Variants in HS2ST1 observed in about 807,000 individuals in gnomAD.
HS2ST1 encodes heparan sulfate 2-O-sulfotransferase 1.
Under a neutral mutation model 42.9 loss-of-function variants are expected in HS2ST1, and 18 were observed. The ratio of observed to expected loss-of-function variants is 0.42; its 90% CI spans 0.29 to 0.62. The LOEUF is 0.62. Among genes scored for constraint, HS2ST1 ranks in the 20% least tolerant of loss-of-function variants. The probability of loss-of-function intolerance (pLI) is 0.21; values close to 1 mark genes in which losing one functional copy is unlikely to be tolerated. For missense variants in HS2ST1, 334 were observed against 433.8 expected (o/e 0.77, Z 2.04); for synonymous variants, 146 against 152.9 (o/e 0.95, Z 0.33).
chr1:86,964,490 C>T (rs889841824), intron 1 of HS2ST1, among the ~76,000 whole-genome samples: 2 of 152,214 alleles, frequency 1.3e-5, no homozygotes, highest in Non-Finnish European at 2.9e-5. Context: ...ATACGAAAAC[C>T]AGTCAGGCGT....
At chr1:87,076,251 T>C (rs983879086) in intron 2 of HS2ST1, among the ~76,000 whole-genome samples, 1 of 152,212 alleles carries the variant, frequency 6.6e-6, no homozygotes, top group East Asian at 1.9e-4. Flanking sequence ...AAACCAAATG[T>C]AATGTATGGT....
Position 87,045,925 on chromosome 1 carries a change from C to T in HS2ST1, c.125-27009C>T. The T allele has an allele frequency of 4.3e-6, 3 of 701,916 alleles. No homozygotes were observed. The East Asian group carries it at 9.7e-5, about 23-fold the overall frequency. The allele number at this position is 701,916 out of a possible 1,614,324, so 43.5% of individuals were successfully genotyped here. A position where few individuals can be genotyped will look rare whatever the true frequency, so the allele number is the denominator to read the frequency against. On this transcript the variant is annotated intron_variant, in intron 1 of 6. Transcript: ENST00000370550. ...GCTCACCGGCTTCTCCCACGTCGAC[C>T]TGATTGATCTGGTTACTATTGATGT...
At chr1:87,048,177 G>A (rs894248833) in intron 1 of HS2ST1, among the ~76,000 whole-genome samples, 2 of 151,910 alleles carry the variant, frequency 1.3e-5, no homozygotes, top group Admixed American at 1.3e-4. Context: ...TATTTTACAT[G>A]GTATTTTTTA....
intron 1 of HS2ST1, among the ~76,000 whole-genome samples, chr1:86,950,037 A>T (rs181026512): frequency 8.5e-5 from 13 of 152,328 alleles, no homozygotes; most frequent in Non-Finnish European, 1.6e-4. Context: ...GCACTATAGA[A>T]ACATTTGATT....
At chr1:87,033,154 A>G (rs980638498) in intron 1 of HS2ST1, among the ~76,000 whole-genome samples, 5 of 152,208 alleles carry the variant, frequency 3.3e-5, no homozygotes, top group Non-Finnish European at 7.4e-5. Context: ...TAGAATAGTA[A>G]AATATATCCC....
chr1:87,007,974 A>G (rs923108281), intron 1 of HS2ST1, among the ~76,000 whole-genome samples: 1 of 152,128 alleles, frequency 6.6e-6, no homozygotes, highest in Non-Finnish European at 1.5e-5. Flanking sequence ...TTTTTTAAAA[A>G]ATTTTATTTG....
At chr1:86,918,371 A>G (rs1660213471) in intron 1 of HS2ST1, among the ~76,000 whole-genome samples, 2 of 152,134 alleles carry the variant, frequency 1.3e-5, no homozygotes, top group South Asian at 4.1e-4. Flanking sequence ...TACTCATTCT[A>G]TTAATAATAG....
intron 1 of HS2ST1, among the ~76,000 whole-genome samples, chr1:86,927,647 G>A (rs1660450190): frequency 6.6e-6 from 1 of 152,154 alleles, no homozygotes; most frequent in African/African-American, 2.4e-5. Flanking sequence ...ATCAGATGAT[G>A]TCAGTTGGGA....
chr1:87,006,690 T>C (rs1287387234), intron 1 of HS2ST1, among the ~76,000 whole-genome samples: 2 of 152,152 alleles, frequency 1.3e-5, no homozygotes, highest in African/African-American at 2.4e-5. Context: ...TAAAGGTAAA[T>C]CATGCTATGA....
chr1:86,914,884 A>C lies in HS2ST1; in HGVS notation c.-153A>C. ...AGCGCCTGGGGGAGGGGGACTGGAG[A>C]GGCGAGAAGGGGGGTCGCTGCGGTG... On this transcript the variant is annotated 5_prime_UTR_variant, in exon 1 of 7. Coordinates refer to ENST00000370550, the MANE Select transcript of HS2ST1 (RefSeq NM_012262.4). 1.2e-6 allele frequency: 1 copy of C among 815,540 alleles called. No individual in the cohort carries two copies. The highest frequency in any genetic ancestry group is 1.9e-6 in the Non-Finnish European group (1 of 529,142). 50.5% of individuals were successfully genotyped at this position (815,540 alleles called of 1,614,324 possible).
At chr1:86,917,942 T>C (rs549855432) in intron 1 of HS2ST1, among the ~76,000 whole-genome samples, 277 of 152,360 alleles carry the variant, frequency 1.8e-3, no homozygotes, top group Non-Finnish European at 3.2e-3. Flanking sequence ...AAGAAAAATC[T>C]AGCTGTTTTC....
At chr1:86,926,392 C>T (rs926851859) in intron 1 of HS2ST1, among the ~76,000 whole-genome samples, 2 of 152,166 alleles carry the variant, frequency 1.3e-5, no homozygotes, top group Non-Finnish European at 2.9e-5. Flanking sequence ...ATTCTCGCTC[C>T]TTAATTCAAG....
chr1:87,064,648 G>A, intron 1 of HS2ST1: 2 of 412,162 alleles, frequency 4.9e-6, no homozygotes, highest in Non-Finnish European at 9.6e-6. Flanking sequence ...TGTGCTCAGG[G>A]AGACTGATTC....
intron 1 of HS2ST1, among the ~76,000 whole-genome samples, chr1:87,009,438 G>A (rs935806890): frequency 6.6e-6 from 1 of 152,176 alleles, no homozygotes; most frequent in African/African-American, 2.4e-5. Context: ...CAGTTAGCCA[G>A]TACTAACAAA....
At chr1:87,022,461 C>G (rs1017537911) in intron 1 of HS2ST1, among the ~76,000 whole-genome samples, 1 of 152,162 alleles carries the variant, frequency 6.6e-6, no homozygotes, top group Non-Finnish European at 1.5e-5. Flanking sequence ...GAGCACAACA[C>G]TCAAAAACTT....
At chr1:86,972,918 A>G (rs142754160) in intron 1 of HS2ST1, among the ~76,000 whole-genome samples, 8 of 152,312 alleles carry the variant, frequency 5.3e-5, no homozygotes, top group African/African-American at 1.2e-4. Context: ...TTTGTCTTCT[A>G]TGGCTACACT....
chr1:86,932,926 A>AT (rs1660573899), intron 1 of HS2ST1, among the ~76,000 whole-genome samples: 1 of 152,230 alleles, frequency 6.6e-6, no homozygotes, highest in South Asian at 2.1e-4. Context: ...TTGCTAAAAT[A>AT]TTTTGAAATT....
chr1:86,953,370 C>T (rs1647578859), intron 1 of HS2ST1, among the ~76,000 whole-genome samples: 1 of 152,218 alleles, frequency 6.6e-6, no homozygotes, highest in African/African-American at 2.4e-5. Context: ...CTTTTAATTT[C>T]CTTCAAGAAC....
At chr1:86,939,907 C>A (rs1298143021) in intron 1 of HS2ST1, among the ~76,000 whole-genome samples, 1 of 151,876 alleles carries the variant, frequency 6.6e-6, no homozygotes, top group East Asian at 1.9e-4. Context: ...CCTAAAGTAA[C>A]AAAGCAGGTA....
Sources: gnomAD v4.1 joint callset for allele counts (sites outside exome capture counted in the v4.1 genomes callset) on GRCh38, gnomAD v4.1.1 for gene constraint, MANE v1.5 for transcripts, NCBI Gene and HGNC (gene_info 2026-07-23, HGNC 2026-07-21) for gene names.